Variants in TMEM232 observed in about 807,000 individuals in gnomAD.
TMEM232 encodes transmembrane protein 232.
TMEM232 carries 80 observed loss-of-function variants against 78.8 expected under a neutral mutation model. The ratio of observed to expected loss-of-function variants is 1.01; its 90% confidence interval spans 0.85 to 1.22. The LOEUF (loss-of-function observed/expected upper bound fraction) is 1.22. TMEM232 is among the 50% of genes most tolerant of loss of function. The pLI is 0.00. For synonymous variants in TMEM232, 297 were observed against 254.3 expected (o/e 1.17, Z -1.60); for missense variants, 881 against 742.2 (o/e 1.19, Z -2.17).
intron 1 of TMEM232, among the ~76,000 whole-genome samples, chr5:110,677,815 T>G (rs1792209678): frequency 6.6e-6 from 1 of 152,184 alleles, no homozygotes; most frequent in South Asian, 2.1e-4. Flanking sequence ...AAAAAATTTC[T>G]TCTTTGATTC....
rs113917395 is a variant in TMEM232, at chr5:110,470,555, G to A, written c.1704-45639C>T. On this transcript the variant is annotated intron_variant, in intron 12 of 13. Coordinates refer to ENST00000455884, the MANE Select transcript of TMEM232 (RefSeq NM_001039763.4). ...CCCATTGTGGGAAATAAAAAAATAA[G>A]AGGACGATATAAACTCTTGCCACTG... Among the ~76,000 whole-genome samples, 1,386 of 152,208 alleles carry A rather than the reference G, an allele frequency of 9.1e-3. 33 individuals are homozygous for A. The highest frequency in any genetic ancestry group is 0.031 in the African/African-American group (1,286 of 41,518).
Position 110,661,079 on chromosome 5 carries a change from T to C in TMEM232, c.125+6149A>G, listed in dbSNP as rs1178116869. ...TTTAGCACACACATGTGAGTGACAATAGCGGTATTTGTCTTTCTGTGCCTG... is the reference window on the plus strand; with the variant it reads ...TTTAGCACACACATGTGAGTGACAACAGCGGTATTTGTCTTTCTGTGCCTG... On this transcript the variant is annotated intron_variant, in intron 2 of 13. Coordinates refer to ENST00000455884, the MANE Select transcript of TMEM232 (RefSeq NM_001039763.4). Among the ~76,000 whole-genome samples, 10 of 152,294 alleles carry C rather than the reference T, an allele frequency of 6.6e-5. No individual in the cohort carries two copies. The East Asian group carries it at 1.7e-3, about 26-fold the overall frequency.
chr5:110,617,516 T>TGTATTATACCCC (rs1340777166), intron 8 of TMEM232, among the ~76,000 whole-genome samples: 62 of 152,164 alleles, frequency 4.1e-4, no homozygotes, highest in Non-Finnish European at 7.1e-4. Flanking sequence ...TATCCTAACA[T>TGTATTATACCCC]ATCATTATAC....
chr5:110,475,356 A>G (rs988344851), intron 12 of TMEM232, among the ~76,000 whole-genome samples: 1 of 151,760 alleles, frequency 6.6e-6, no homozygotes, highest in African/African-American at 2.4e-5. Context: ...AACACCATAT[A>G]TAAAATTTCA....
chr5:110,448,040 C>T (rs1434111309), intron 12 of TMEM232, among the ~76,000 whole-genome samples: 1 of 151,954 alleles, frequency 6.6e-6, no homozygotes, highest in Non-Finnish European at 1.5e-5. Context: ...AAATGACTTA[C>T]TATACCAGTT....
At chr5:110,708,113 CCTT>C (rs1381516233) in intron 1 of TMEM232, among the ~76,000 whole-genome samples, 8 of 152,140 alleles carry the variant, frequency 5.3e-5, no homozygotes, top group Admixed American at 5.2e-4. Context: ...GTAAAAGACT[CCTT>C]CTCTCTGCAA....
rs187708952 is a variant in TMEM232, at chr5:110,712,833, T to C, written c.-13+13794A>G. Among the ~76,000 whole-genome samples, 3 of 152,294 alleles carry C rather than the reference T, an allele frequency of 2.0e-5. No individual in the cohort carries two copies. In the East Asian group the frequency reaches 5.8e-4, roughly 29 times the overall value. ...TGGGAATACAAATTAGTACAACTACTATGGAGAACATTTTGGAGGTTCCTC... is the reference window on the plus strand; with the variant it reads ...TGGGAATACAAATTAGTACAACTACCATGGAGAACATTTTGGAGGTTCCTC... On this transcript the variant is annotated intron_variant, in intron 1 of 13. Coordinates refer to ENST00000455884, the MANE Select transcript of TMEM232 (RefSeq NM_001039763.4).
intron 12 of TMEM232, among the ~76,000 whole-genome samples, chr5:110,468,936 CAAAAG>C (rs1762380306): frequency 6.6e-6 from 1 of 152,042 alleles, no homozygotes; most frequent in Admixed American, 6.6e-5. Flanking sequence ...ACATAGAGAA[CAAAAG>C]AAAATACCTG....
chr5:110,635,396 G>A (rs1785664710), intron 5 of TMEM232, among the ~76,000 whole-genome samples: 1 of 151,880 alleles, frequency 6.6e-6, no homozygotes, highest in African/African-American at 2.4e-5. Flanking sequence ...GAAAACTACA[G>A]GCTAATATCC....
chr5:110,460,937 C>G (rs571765602), intron 12 of TMEM232, among the ~76,000 whole-genome samples: 1 of 152,210 alleles, frequency 6.6e-6, no homozygotes, highest in Non-Finnish European at 1.5e-5. Flanking sequence ...CGTGTTCTGA[C>G]TGCTCAACTG....
intron 12 of TMEM232, among the ~76,000 whole-genome samples, chr5:110,524,337 AAAAG>A (rs1439865604): frequency 4.8e-5 from 7 of 144,720 alleles, no homozygotes; most frequent in Non-Finnish European, 1.0e-4. Flanking sequence ...GGGAGAGAGA[AAAAG>A]AAAGAGAAAG....
intron 1 of TMEM232, among the ~76,000 whole-genome samples, chr5:110,714,393 C>T (rs1796816590): frequency 6.6e-6 from 1 of 152,170 alleles, no homozygotes; most frequent in Non-Finnish European, 1.5e-5. Flanking sequence ...AAGAATGTCA[C>T]CTTTGTTTCA....
rs920046077 is a variant in TMEM232, at chr5:110,693,326, A to C, written c.-12-25962T>G. Among the ~76,000 whole-genome samples, 4 of 152,312 alleles carry C rather than the reference A, an allele frequency of 2.6e-5. No homozygotes were observed. The East Asian group carries it at 7.7e-4, about 29-fold the overall frequency. ...TGTACGTCACTATCATCAAAGACCA[A>C]AGGTAGATAAAACCACAAAGATGGG... is the stretch of plus-strand genomic sequence containing the variant. On this transcript the variant is annotated intron_variant, in intron 1 of 13. Coordinates refer to ENST00000455884, the MANE Select transcript of TMEM232 (RefSeq NM_001039763.4).
At chr5:110,503,454 T>C (rs1284432978) in intron 12 of TMEM232, among the ~76,000 whole-genome samples, 1 of 152,184 alleles carries the variant, frequency 6.6e-6, no homozygotes, top group African/African-American at 2.4e-5. Flanking sequence ...GAAATATTTA[T>C]AAATCCACTT....
chr5:110,498,295 A>T (rs1238433714), intron 12 of TMEM232, among the ~76,000 whole-genome samples: 2 of 152,128 alleles, frequency 1.3e-5, no homozygotes, highest in African/African-American at 2.4e-5. Flanking sequence ...GAAACTGAGG[A>T]TGGAATTGAT....
rs565855310 is a variant in TMEM232 at position 110,532,490 on chromosome 5, C to T, written c.1456-3655G>A. On this transcript the variant is annotated intron_variant, in intron 11 of 13. Transcript: ENST00000455884. ...CTTGCCTCCATAACTGTTGTGGGTA[C>T]TGATGGCCAGGCTTCCAAACCTCTT... Among the ~76,000 whole-genome samples, 141 of 151,964 alleles carry T rather than the reference C, an allele frequency of 9.3e-4. 1 individual carries two copies. The South Asian group carries it at 0.011, about 12-fold the overall frequency.
At chr5:110,545,781 T>C (rs1361145244) in intron 11 of TMEM232, among the ~76,000 whole-genome samples, 1 of 152,094 alleles carries the variant, frequency 6.6e-6, no homozygotes, top group Non-Finnish European at 1.5e-5. Flanking sequence ...AATTCACATA[T>C]TCATTTTAGC....
chr5:110,710,816 G>A (rs190096454), intron 1 of TMEM232, among the ~76,000 whole-genome samples: 84 of 152,206 alleles, frequency 5.5e-4, no homozygotes, highest in Non-Finnish European at 1.0e-3. Flanking sequence ...ACACTGAATG[G>A]GGAAAAATGG....
chr5:110,506,573 T>C (rs1766932158), intron 12 of TMEM232, among the ~76,000 whole-genome samples: 1 of 152,208 alleles, frequency 6.6e-6, no homozygotes. Flanking sequence ...TTACCCACTT[T>C]GGCTGTCTAC....
Sources: gnomAD v4.1 joint callset for allele counts (sites outside exome capture counted in the v4.1 genomes callset) on GRCh38, gnomAD v4.1.1 for gene constraint, MANE v1.5 for transcripts, NCBI Gene and HGNC (gene_info 2026-07-23, HGNC 2026-07-21) for gene names.